The following PTPRN2 variants were observed in gnomAD, a reference collection of about 807,000 sequenced individuals.
The protein encoded by PTPRN2 is protein tyrosine phosphatase receptor type N2, also known as receptor-type tyrosine-protein phosphatase N2.
PTPRN2 carries 74 observed loss-of-function variants against 118.8 expected under a neutral mutation model. The observed-to-expected ratio is 0.62, with a 90% CI of 0.52 to 0.76. The LOEUF is 0.76. Among genes scored for constraint, PTPRN2 ranks in the 30% least tolerant of loss-of-function variants. The pLI is 0.00. For synonymous variants in PTPRN2, 641 were observed against 608.0 expected, an observed-to-expected ratio of 1.05 and a Z score of -0.80; for missense variants, 1,481 against 1,394.4, an observed-to-expected ratio of 1.06 and a Z score of -0.99.
At chr7:158,239,791 T>A (rs1342306908) in intron 3 of PTPRN2, among the ~76,000 whole-genome samples, 1 of 152,122 alleles carries the variant, frequency 6.6e-6, no homozygotes, top group African/African-American at 2.4e-5. Context: ...CCTGGTGAAA[T>A]GAAAGAAAGC....
At chr7:158,166,578 G>A (rs57911953) in intron 6 of PTPRN2, among the ~76,000 whole-genome samples, 16,317 of 94,290 alleles carry the variant, frequency 0.17, 55 homozygotes, top group South Asian at 0.2. Context: ...CCTGGCCGCC[G>A]CGTTCCCTGT....
intron 2 of PTPRN2, among the ~76,000 whole-genome samples, chr7:158,326,252 G>A (rs953907806): frequency 2.6e-5 from 4 of 152,216 alleles, no homozygotes; most frequent in African/African-American, 9.6e-5. Flanking sequence ...TCACCCAGGT[G>A]GCCAGTGAGC....
intron 2 of PTPRN2, among the ~76,000 whole-genome samples, chr7:158,341,925 A>T (rs545671386): frequency 5.1e-5 from 7 of 137,094 alleles, no homozygotes; most frequent in Admixed American, 7.5e-5. Flanking sequence ...GACGTCACTC[A>T]CACCCACATT....
intron 3 of PTPRN2, among the ~76,000 whole-genome samples, chr7:158,214,609 G>A (rs1279614627): frequency 2.0e-5 from 3 of 152,178 alleles, no homozygotes; most frequent in Non-Finnish European, 4.4e-5. Context: ...TCATGAGGCT[G>A]TAATAAGGCC....
intron 12 of PTPRN2, among the ~76,000 whole-genome samples, chr7:157,853,523 A>G (rs1196097914): frequency 6.6e-6 from 1 of 151,876 alleles, no homozygotes; most frequent in Non-Finnish European, 1.5e-5. Context: ...AAAGTCCCAA[A>G]ATCCAGCACA....
At chr7:158,171,653 T>C (rs1823714549) in intron 5 of PTPRN2, among the ~76,000 whole-genome samples, 1 of 151,950 alleles carries the variant, frequency 6.6e-6, no homozygotes, top group African/African-American at 2.4e-5. Context: ...GCCCAGCCTA[T>C]ACCTTCATAT....
chr7:157,926,030 A>G (rs1390716387), intron 11 of PTPRN2, among the ~76,000 whole-genome samples: 1 of 152,262 alleles, frequency 6.6e-6, no homozygotes, highest in Non-Finnish European at 1.5e-5. Context: ...TTTAGACTTT[A>G]TTAAGCTTTT....
chr7:157,999,372 C>T lies in PTPRN2; in HGVS notation c.1723+81926G>A, dbSNP rs183546465. 8.5e-5 allele frequency among the ~76,000 whole-genome samples: 13 copies of T among 152,276 alleles called. No individual in the cohort carries two copies. The East Asian group carries it at 1.9e-3, about 23-fold the overall frequency. On this transcript the variant is annotated intron_variant, in intron 11 of 22. Transcript: ENST00000389418. Reference sequence around the variant, plus strand: ...TGGTGACTGAGCACCGTGTGCTGCCCGAATTTCTCACCAACCTCAGACGCT... The same window carrying T: ...TGGTGACTGAGCACCGTGTGCTGCCTGAATTTCTCACCAACCTCAGACGCT...
chr7:158,133,554 A>G (rs1818548425), intron 9 of PTPRN2, 123 bp downstream of exon 9: 3 of 1,361,454 alleles, frequency 2.2e-6, no homozygotes, highest in Non-Finnish European at 2.9e-6. Flanking sequence ...CCTGCACCCC[A>G]TTATTCAGTT....
At chr7:157,628,282 G>A (rs771807310) in intron 14 of PTPRN2, among the ~76,000 whole-genome samples, 1 of 152,246 alleles carries the variant, frequency 6.6e-6, no homozygotes, top group Non-Finnish European at 1.5e-5. Context: ...CGTCAGCACC[G>A]TCTTCCGGTC....
chr7:158,089,908 TG>T (rs67128065), intron 10 of PTPRN2, among the ~76,000 whole-genome samples: 590 of 10,898 alleles, frequency 0.054, 32 homozygotes, highest in East Asian at 0.27. Context: ...CACACAAACC[TG>T]TCTTCCCCTG....
At position 158,270,886 on chromosome 7, in the gene PTPRN2, GA is replaced by G. The variant is rs1563068308; in HGVS notation, c.277+45932del. ...CCTGGACCGCCCCCTCCACCTGGAT[GA>G]CCCCCTCCACCTGGACCACCCCCCC... is the stretch of plus-strand genomic sequence containing the variant. On this transcript the variant is annotated intron_variant, in intron 3 of 22. Transcript: ENST00000389418. 8.3e-3 allele frequency among the ~76,000 whole-genome samples: 66 copies of G among 7,982 alleles called. 1 individual carries two copies. The highest frequency in any genetic ancestry group is 0.011 in the East Asian group (4 of 370). 5.2% of individuals were successfully genotyped at this position (7,982 alleles called of 152,430 possible). A position where few individuals can be genotyped will look rare whatever the true frequency, so the allele number is the denominator to read the frequency against.
chr7:157,604,958 C>G (rs1227951366), intron 15 of PTPRN2, among the ~76,000 whole-genome samples: 1 of 152,260 alleles, frequency 6.6e-6, no homozygotes, highest in South Asian at 2.1e-4. Flanking sequence ...CCTGCACCTC[C>G]CAACTCCCTG....
At chr7:158,479,278 A>G (rs1820488857) in intron 2 of PTPRN2, among the ~76,000 whole-genome samples, 1 of 151,994 alleles carries the variant, frequency 6.6e-6, no homozygotes, top group Non-Finnish European at 1.5e-5. Context: ...TGAGCGCTCA[A>G]TACAAAACAG....
chr7:158,392,249 G>A (rs1811986320), intron 2 of PTPRN2, among the ~76,000 whole-genome samples: 1 of 152,148 alleles, frequency 6.6e-6, no homozygotes, highest in African/African-American at 2.4e-5. Context: ...GAGGAGAGGG[G>A]CTGGGTCAGG....
chr7:157,623,943 G>A (rs1470075660), intron 14 of PTPRN2, among the ~76,000 whole-genome samples: 1 of 152,206 alleles, frequency 6.6e-6, no homozygotes, highest in Non-Finnish European at 1.5e-5. Flanking sequence ...CATCTTAGGA[G>A]TCTTTTTTCT....
chr7:158,489,244 G>A (rs186721938), intron 2 of PTPRN2, among the ~76,000 whole-genome samples: 29,126 of 152,058 alleles, frequency 0.19, 3,280 homozygotes, highest in East Asian at 0.41. Flanking sequence ...TCAGGAGTTC[G>A]AGACCAGCCT....
chr7:157,578,018 T>C lies in PTPRN2; in HGVS notation c.2616+3A>G. On this transcript the variant is annotated splice_donor_region_variant and intron_variant, in intron 18 of 22. Transcript: ENST00000389418. ...CTGCCCTGGGTGGCTCTGGTCGGAGTACCTCATAGATGTGGTAGAGATTGG... is the reference window on the plus strand; with the variant it reads ...CTGCCCTGGGTGGCTCTGGTCGGAGCACCTCATAGATGTGGTAGAGATTGG... The C allele has an allele frequency of 6.2e-7, 1 of 1,605,024 alleles. No homozygotes were observed. The highest frequency in any genetic ancestry group is 1.1e-5 in the South Asian group (1 of 90,508).
In PTPRN2 at chr7:158,022,200, A is replaced by G. The variant is rs1453854591; in HGVS notation, c.1723+59098T>C. On this transcript the variant is annotated intron_variant, in intron 11 of 22. Transcript: ENST00000389418. The surrounding 1 kb of genome is among the most constrained non-coding windows in gnomAD (Gnocchi z 4.6). ...GAGGAGACATTCAAGGATGAATTTA[A>G]ATTGTGAAACTCAAGGGGCATCACC... Among the ~76,000 whole-genome samples, 3 of 152,196 alleles carry G rather than the reference A, an allele frequency of 2.0e-5. No homozygotes were observed. The highest frequency in any genetic ancestry group is 7.2e-5 in the African/African-American group (3 of 41,456).
Sources: allele counts gnomAD v4.1 joint callset (sites outside exome capture counted in the v4.1 genomes callset), GRCh38; gene constraint gnomAD v4.1.1; non-coding constraint Gnocchi (gnomAD v3.1); transcripts MANE v1.5; gene names NCBI Gene and HGNC (gene_info 2026-07-23, HGNC 2026-07-21).